Variants in SESTD1 observed in about 807,000 individuals in gnomAD.
SESTD1 encodes SEC14 and spectrin domain containing 1.
SESTD1 carries 43 observed loss-of-function variants against 101.7 expected under a neutral mutation model. That is an observed-to-expected ratio of 0.42 (90% confidence interval 0.33 to 0.55). SESTD1 has a LOEUF of 0.55. Ranked by LOEUF, SESTD1 falls within the 20% of genes least tolerant of loss-of-function variation. The pLI, the probability that SESTD1 is intolerant of heterozygous loss-of-function variation, is 0.07. For missense variants in SESTD1, 647 were observed against 815.1 expected (o/e 0.79, Z 2.51); for synonymous variants, 283 against 286.8 (o/e 0.99, Z 0.13).
intron 13 of SESTD1, among the ~76,000 whole-genome samples, chr2:179,121,493 A>G (rs1368209552): frequency 6.6e-6 from 1 of 152,220 alleles, no homozygotes; most frequent in Admixed American, 6.5e-5. Context: ...AAAGCAGAAG[A>G]GTCATAGACT....
chr2:179,183,323 A>G, intron 2 of SESTD1, 135 bp from the exon 3 acceptor site: 2 of 522,096 alleles, frequency 3.8e-6, no homozygotes, highest in Non-Finnish European at 6.2e-6. Flanking sequence ...ATGGCTACTT[A>G]TAGATTGTAA....
At chr2:179,183,293 T>C (rs2046150449) in intron 2 of SESTD1, 105 bp from the exon 3 acceptor site, 2 of 650,846 alleles carry the variant, frequency 3.1e-6, no homozygotes, top group Admixed American at 3.8e-5. Flanking sequence ...AAGTTTAAGA[T>C]ATAATTTGGA....
chr2:179,245,196 C>G (rs572335000), intron 1 of SESTD1, among the ~76,000 whole-genome samples: 192 of 151,966 alleles, frequency 1.3e-3, no homozygotes, highest in African/African-American at 4.4e-3. Context: ...CATAGCAAGA[C>G]CCTGTCTCTA....
chr2:179,162,445 T>A (rs997718095), intron 5 of SESTD1: 1 of 152,206 alleles, frequency 6.6e-6, no homozygotes, highest in Non-Finnish European at 1.5e-5. Context: ...AAACAGCTTA[T>A]ATTATCTTGC....
chr2:179,146,096 C>T (rs903476390), intron 8 of SESTD1, among the ~76,000 whole-genome samples: 6 of 150,192 alleles, frequency 4.0e-5, no homozygotes, highest in African/African-American at 1.2e-4. Flanking sequence ...AGATCAGTGG[C>T]GGCACCAGAT....
chr2:179,261,533 C>T lies in SESTD1; in HGVS notation c.-26+2966G>A, dbSNP rs77480131. Among the ~76,000 whole-genome samples the T allele has an allele frequency of 4.5e-3, 685 of 152,174 alleles. 1 individual carries two copies. Among genetic ancestry groups the T allele is most frequent in the African/African-American group, 0.016 (652 of 41,524 alleles). On this transcript the variant is annotated intron_variant, in intron 1 of 17. Transcript: ENST00000428443. Reference sequence around the variant, plus strand: ...AAACATTAAATGAGAAAATTATATACAAATGGCCAATAAAAACATGATAAG... The same window carrying T: ...AAACATTAAATGAGAAAATTATATATAAATGGCCAATAAAAACATGATAAG...
chr2:179,219,267 A>G (rs2046769591), intron 1 of SESTD1, among the ~76,000 whole-genome samples: 2 of 152,224 alleles, frequency 1.3e-5, no homozygotes, highest in African/African-American at 4.8e-5. Flanking sequence ...TTTATGAGAG[A>G]CTGTAATTGA....
rs143361773 is a variant in SESTD1, at chr2:179,202,724, T to C, written c.-25-10858A>G. Among the ~76,000 whole-genome samples the C allele has an allele frequency of 2.0e-4, 27 of 135,496 alleles. 7 individuals carry two copies. Among genetic ancestry groups the C allele is most frequent in the African/African-American group, 7.9e-4 (27 of 34,390 alleles). The allele number at this position is 135,496 out of a possible 152,430, so 88.9% of individuals were successfully genotyped here. On this transcript the variant is annotated intron_variant, in intron 1 of 17. Coordinates refer to ENST00000428443, the MANE Select transcript of SESTD1 (RefSeq NM_178123.5). Reference sequence around the variant, plus strand: ...CTTCTAGAATTCAACAGTTTCACTTTTAAATGATACTGTGAATGGAATCAT... The same window carrying C: ...CTTCTAGAATTCAACAGTTTCACTTCTAAATGATACTGTGAATGGAATCAT...
intron 1 of SESTD1, among the ~76,000 whole-genome samples, chr2:179,249,837 G>C (rs1411567866): frequency 1.3e-5 from 2 of 148,974 alleles, no homozygotes; most frequent in African/African-American, 2.5e-5. Flanking sequence ...CAACTCGATG[G>C]AGAAAGACTG....
intron 1 of SESTD1, among the ~76,000 whole-genome samples, chr2:179,223,487 T>A (rs2046841725): frequency 6.6e-6 from 1 of 152,058 alleles, no homozygotes; most frequent in South Asian, 2.1e-4. Context: ...ACTGAATTGG[T>A]CATTTTGTAA....
At chr2:179,125,621 A>ATAAAC (rs2044857228) in intron 10 of SESTD1, among the ~76,000 whole-genome samples, 1 of 152,222 alleles carries the variant, frequency 6.6e-6, no homozygotes. Context: ...CATCATGCTT[A>ATAAAC]TAAACTACAA....
intron 5 of SESTD1, among the ~76,000 whole-genome samples, chr2:179,161,411 G>A (rs952524616): frequency 4.6e-5 from 7 of 152,116 alleles, no homozygotes; most frequent in Admixed American, 4.6e-4. Flanking sequence ...ATTCAAAATG[G>A]TATTATGTTG....
intron 1 of SESTD1, among the ~76,000 whole-genome samples, chr2:179,219,158 G>A (rs539334195): frequency 1.4e-4 from 21 of 152,210 alleles, no homozygotes; most frequent in African/African-American, 5.1e-4. Flanking sequence ...GACATCAGTG[G>A]GTGCCATCAA....
chr2:179,235,596 G>A (rs1351292000), intron 1 of SESTD1, among the ~76,000 whole-genome samples: 1 of 152,078 alleles, frequency 6.6e-6, no homozygotes, highest in Admixed American at 6.5e-5. Context: ...TACATGCAAT[G>A]GCACATAGCC....
chr2:179,127,534 G>A (rs1012470406), intron 10 of SESTD1, among the ~76,000 whole-genome samples: 1 of 152,212 alleles, frequency 6.6e-6, no homozygotes, highest in Non-Finnish European at 1.5e-5. Context: ...TTGTCACTCA[G>A]GGAACATGTG....
chr2:179,194,980 G>A (rs1367702751), intron 1 of SESTD1, among the ~76,000 whole-genome samples: 1 of 152,186 alleles, frequency 6.6e-6, no homozygotes, highest in Non-Finnish European at 1.5e-5. Context: ...AAGTTCTTCA[G>A]TAATTGAGAA....
At chr2:179,222,084 G>A (rs2046823887) in intron 1 of SESTD1, among the ~76,000 whole-genome samples, 1 of 152,148 alleles carries the variant, frequency 6.6e-6, no homozygotes, top group African/African-American at 2.4e-5. Flanking sequence ...GGAAAACCAA[G>A]TATTTATAGA....
chr2:179,214,043 C>T (rs1046254118), intron 1 of SESTD1, among the ~76,000 whole-genome samples: 1 of 135,100 alleles, frequency 7.4e-6, no homozygotes, highest in Non-Finnish European at 1.6e-5. Context: ...TGTGTAAAGA[C>T]CATTGATGCT....
intron 9 of SESTD1, among the ~76,000 whole-genome samples, chr2:179,141,904 C>T (rs924436128): frequency 1.3e-5 from 2 of 152,176 alleles, no homozygotes; most frequent in East Asian, 1.9e-4. Context: ...ATACAATTAA[C>T]GTATGCTCAG....
Sources: gnomAD v4.1 joint callset for allele counts (sites outside exome capture counted in the v4.1 genomes callset) on GRCh38, gnomAD v4.1.1 for gene constraint, MANE v1.5 for transcripts, NCBI Gene and HGNC (gene_info 2026-07-23, HGNC 2026-07-21) for gene names.